The following SH3RF3 variants were observed in gnomAD, a reference collection of about 807,000 sequenced individuals.
The protein encoded by SH3RF3 is SH3 domain containing ring finger 3, also known as E3 ubiquitin-protein ligase SH3RF3.
A neutral mutation model predicts 66.3 loss-of-function variants in SH3RF3; 29 were observed. That is an observed-to-expected ratio of 0.44 (90% CI 0.33 to 0.60). The LOEUF is 0.60. SH3RF3 is among the 20% of genes least tolerant of loss of function. The pLI, the probability that SH3RF3 is intolerant of heterozygous loss-of-function variation, is 0.04. For synonymous variants in SH3RF3, 583 were observed against 532.0 expected (o/e 1.10, Z -1.32); for missense variants, 1,194 against 1,190.9 (o/e 1.00, Z -0.04).
At chr2:109,455,782 C>T (rs550116962) in intron 8 of SH3RF3, among the ~76,000 whole-genome samples, 1 of 152,334 alleles carries the variant, frequency 6.6e-6, no homozygotes, top group African/African-American at 2.4e-5. Context: ...TGCCAGCGCT[C>T]ATCCCAGCTT....
At chr2:109,251,389 C>T in intron 1 of SH3RF3, 1 of 675,620 alleles carries the variant, frequency 1.5e-6, no homozygotes, top group African/African-American at 1.8e-5. Context: ...GCATTCCTTT[C>T]CAAGGCATCT....
chr2:109,444,150 C>G (rs1420648404), intron 7 of SH3RF3, among the ~76,000 whole-genome samples: 1 of 152,056 alleles, frequency 6.6e-6, no homozygotes, highest in African/African-American at 2.4e-5. Flanking sequence ...TTCAAAATAA[C>G]CCATATATTA....
Sources: gnomAD v4.1 joint callset for allele counts (sites outside exome capture counted in the v4.1 genomes callset) on GRCh38, gnomAD v4.1.1 for gene constraint, MANE v1.5 for transcripts, NCBI Gene and HGNC (gene_info 2026-07-23, HGNC 2026-07-21) for gene names.